Variants in STK3 observed in about 807,000 individuals in gnomAD.
The protein encoded by STK3 is serine/threonine kinase 3.
STK3 carries 41 observed loss-of-function variants against 58.0 expected under a neutral mutation model. The ratio of observed to expected loss-of-function variants is 0.71; its 90% CI spans 0.55 to 0.92. The LOEUF (loss-of-function observed/expected upper bound fraction) is 0.92. STK3 is among the 40% of genes least tolerant of loss of function. The probability of loss-of-function intolerance (pLI) is 0.00; values close to 1 mark genes in which losing one functional copy is unlikely to be tolerated. For missense variants in STK3, 479 were observed against 602.7 expected (o/e 0.79, Z 2.15); for synonymous variants, 170 against 191.0 (o/e 0.89, Z 0.91).
chr8:98,630,857 G>A (rs1431807430), intron 6 of STK3, among the ~76,000 whole-genome samples: 2 of 152,096 alleles, frequency 1.3e-5, no homozygotes, highest in Non-Finnish European at 2.9e-5. Flanking sequence ...AGATTTTCTA[G>A]TTATGAGAGA....
intron 1 of STK3, among the ~76,000 whole-genome samples, chr8:98,810,835 C>T (rs986333996): frequency 6.6e-6 from 1 of 152,150 alleles, no homozygotes; most frequent in South Asian, 2.1e-4. Context: ...GGTGTTGTCC[C>T]TGGCGATGAG....
At chr8:98,587,236 G>C (rs1167246028) in intron 7 of STK3, among the ~76,000 whole-genome samples, 2 of 152,010 alleles carry the variant, frequency 1.3e-5, no homozygotes, top group Non-Finnish European at 2.9e-5. Context: ...TGGGCATTTA[G>C]CGCTATAAAT....
At chr8:98,588,458 TGA>T (rs1814891492) in intron 7 of STK3, among the ~76,000 whole-genome samples, 1 of 151,444 alleles carries the variant, frequency 6.6e-6, no homozygotes, top group Admixed American at 6.6e-5. Flanking sequence ...GGGTTTCTGC[TGA>T]GAGATCCGCT....
At chr8:98,688,012 CT>C (rs1824131039) in intron 6 of STK3, among the ~76,000 whole-genome samples, 1 of 152,150 alleles carries the variant, frequency 6.6e-6, no homozygotes, top group African/African-American at 2.4e-5. Flanking sequence ...CAAAATCCCT[CT>C]TTCTCTTATC....
intron 3 of STK3, among the ~76,000 whole-genome samples, chr8:98,834,024 A>G (rs912286043): frequency 6.6e-6 from 1 of 152,120 alleles, no homozygotes; most frequent in Non-Finnish European, 1.5e-5. Context: ...AAAATTATCA[A>G]GCCCATTGAG....
intron 8 of STK3, among the ~76,000 whole-genome samples, chr8:98,554,799 TA>T (rs1811468597): frequency 6.6e-6 from 1 of 152,168 alleles, no homozygotes; most frequent in Admixed American, 6.5e-5. Context: ...TTTTACTTTT[TA>T]AAATTCTTAA....
chr8:98,858,182 G>C (rs1836749550), intron 3 of STK3, among the ~76,000 whole-genome samples: 1 of 150,598 alleles, frequency 6.6e-6, no homozygotes, highest in South Asian at 2.1e-4. Flanking sequence ...AGGAGTTCGA[G>C]ACCAGCCTGG....
intron 1 of STK3, among the ~76,000 whole-genome samples, chr8:98,786,489 A>G (rs1244222042): frequency 6.6e-6 from 1 of 152,222 alleles, no homozygotes; most frequent in Non-Finnish European, 1.5e-5. Context: ...TCAAGGCTGC[A>G]GTGAGCCATG....
At chr8:98,435,337 G>T (rs948674247) in intron 2 of STK3, among the ~76,000 whole-genome samples, 1 of 152,256 alleles carries the variant, frequency 6.6e-6, no homozygotes. Context: ...GCACCAGCAT[G>T]TGTGCAGAAC....
chr8:98,650,992 T>C (rs528060709), intron 6 of STK3, among the ~76,000 whole-genome samples: 45 of 152,344 alleles, frequency 3.0e-4, no homozygotes, highest in African/African-American at 1.1e-3. Context: ...ACAGCAGTGG[T>C]TCTCCCAGCA....
intron 6 of STK3, among the ~76,000 whole-genome samples, chr8:98,614,113 T>C (rs927310082): frequency 5.3e-5 from 8 of 152,108 alleles, no homozygotes; most frequent in African/African-American, 1.7e-4. Flanking sequence ...CAATATCCTC[T>C]AACAACAAGA....
chr8:98,706,984 A>G (rs1826014282), intron 5 of STK3, among the ~76,000 whole-genome samples, 163 bp downstream of exon 5: 1 of 152,232 alleles, frequency 6.6e-6, no homozygotes, highest in East Asian at 1.9e-4. Flanking sequence ...TAAATTATAA[A>G]TTAAATAATA....
At chr8:98,908,531 C>A (rs1249212282) in intron 1 of STK3, among the ~76,000 whole-genome samples, 1 of 152,098 alleles carries the variant, frequency 6.6e-6, no homozygotes, top group African/African-American at 2.4e-5. Flanking sequence ...CCATCCTGGG[C>A]AACAGACCAA....
intron 6 of STK3, among the ~76,000 whole-genome samples, chr8:98,690,788 C>T (rs997206759): frequency 3.3e-5 from 5 of 152,176 alleles, no homozygotes; most frequent in Admixed American, 3.3e-4. Flanking sequence ...ATTTACCTGA[C>T]TTCAAACTAT....
chr8:98,451,085 C>CA (rs1819177190), downstream of STK3, among the ~76,000 whole-genome samples: 1 of 152,030 alleles, frequency 6.6e-6, no homozygotes, highest in African/African-American at 2.4e-5. Context: ...GATGGTGTAT[C>CA]AAAAATGCAT....
intron 1 of STK3, chr8:98,438,049 C>G (rs529083064): frequency 1.3e-5 from 2 of 152,204 alleles, no homozygotes; most frequent in African/African-American, 4.8e-5. Flanking sequence ...CACTGGGAAC[C>G]GGGGAGCCAG....
downstream of STK3, among the ~76,000 whole-genome samples, chr8:98,398,078 G>A (rs999881980): frequency 6.6e-6 from 1 of 152,192 alleles, no homozygotes; most frequent in Admixed American, 6.5e-5. Context: ...TGTGGGCTAA[G>A]AGCATGTCAA....
At position 98,672,218 on chromosome 8, in the gene STK3, C is replaced by A. The variant is rs1280557287; in HGVS notation, c.684+34249G>T. On this transcript the variant is annotated intron_variant, in intron 6 of 10. Coordinates refer to ENST00000419617, the MANE Select transcript of STK3 (RefSeq NM_006281.4). ...AACCTCAGCCTCCCAAATATGTAGA[C>A]CCAGCACTTTGGAAGGCTGAGACAT... 2.0e-5 allele frequency among the ~76,000 whole-genome samples: 3 copies of A among 151,758 alleles called. No individual in the cohort carries two copies. The South Asian group carries it at 6.3e-4, about 32-fold the overall frequency.
intron 8 of STK3, among the ~76,000 whole-genome samples, chr8:98,575,709 C>T (rs1222126181): frequency 3.3e-5 from 5 of 151,090 alleles, no homozygotes; most frequent in Admixed American, 1.3e-4. Flanking sequence ...TGGGCTCGGG[C>T]GATCCACCCG....
Sources: gnomAD v4.1 joint callset for allele counts (sites outside exome capture counted in the v4.1 genomes callset) on GRCh38, gnomAD v4.1.1 for gene constraint, MANE v1.5 for transcripts, NCBI Gene and HGNC (gene_info 2026-07-23, HGNC 2026-07-21) for gene names.